Variants in HMCN1 observed in about 807,000 individuals in gnomAD.
HMCN1 encodes the protein hemicentin 1, also known as hemicentin-1.
HMCN1 carries 321 observed loss-of-function variants against 625.9 expected under a neutral mutation model. That is an observed-to-expected ratio of 0.51 (90% confidence interval 0.47 to 0.56). The LOEUF (loss-of-function observed/expected upper bound fraction) is 0.56, where lower values mean the gene tolerates loss of function less well. Among genes scored for constraint, HMCN1 ranks in the 20% least tolerant of loss-of-function variants. The pLI, the probability that HMCN1 is intolerant of heterozygous loss-of-function variation, is 0.00. For missense variants in HMCN1, 6,588 were observed against 6,887.3 expected (o/e 0.96, Z 1.54); for synonymous variants, 2,425 against 2,417.6 (o/e 1.00, Z -0.09).
At chr1:185,851,676 T>A (rs1210708953) in intron 2 of HMCN1, among the ~76,000 whole-genome samples, 1 of 152,138 alleles carries the variant, frequency 6.6e-6, no homozygotes, top group Non-Finnish European at 1.5e-5. Context: ...GACACATTCT[T>A]TATAAGAAAC....
chr1:186,033,974 A>G (rs1303887441), intron 36 of HMCN1, among the ~76,000 whole-genome samples: 1 of 152,156 alleles, frequency 6.6e-6, no homozygotes, highest in East Asian at 1.9e-4. Context: ...TCATATCCTA[A>G]TCCTTGAACT....
Position 186,178,180 on chromosome 1 carries a change from G to A in HMCN1, c.15944-236G>A, listed in dbSNP as rs184836941. On this transcript the variant is annotated intron_variant, in intron 103 of 106. Coordinates refer to ENST00000271588, the MANE Select transcript of HMCN1 (RefSeq NM_031935.3). ...TTCAATGTGAATGTTCAAATAAAAT[G>A]TGTGGATATAATATAGTATTTAGGG... 1.8e-3 allele frequency among the ~76,000 whole-genome samples: 275 copies of A among 152,276 alleles called. 1 individual carries two copies. The highest frequency in any genetic ancestry group is 5.0e-3 in the East Asian group (26 of 5,170).
At chr1:185,755,052 T>C (rs986278497) in intron 1 of HMCN1, among the ~76,000 whole-genome samples, 2 of 152,166 alleles carry the variant, frequency 1.3e-5, no homozygotes, top group African/African-American at 4.8e-5. Flanking sequence ...TTAATTAATA[T>C]ATAAAGTGCT....
intron 6 of HMCN1, among the ~76,000 whole-genome samples, chr1:185,915,296 G>A (rs1432635284): frequency 1.3e-5 from 2 of 151,962 alleles, no homozygotes; most frequent in South Asian, 4.2e-4. Flanking sequence ...ACAGATCATG[G>A]ATCTTATTTC....
intron 1 of HMCN1, among the ~76,000 whole-genome samples, chr1:185,812,416 A>C (rs1659581688): frequency 6.6e-6 from 1 of 152,178 alleles, no homozygotes; most frequent in South Asian, 2.1e-4. Context: ...CTTTAACAAA[A>C]AAAGTGTCAT....
At chr1:185,853,015 T>A (rs1269424072) in intron 2 of HMCN1, among the ~76,000 whole-genome samples, 1 of 152,126 alleles carries the variant, frequency 6.6e-6, no homozygotes, top group Non-Finnish European at 1.5e-5. Flanking sequence ...AAATAAGGTA[T>A]TTAATGCCAA....
At chr1:186,127,372 C>CA (rs1368921300) in intron 82 of HMCN1, among the ~76,000 whole-genome samples, 2 of 151,764 alleles carry the variant, frequency 1.3e-5, no homozygotes, top group African/African-American at 4.8e-5. Flanking sequence ...ATGAGATCAC[C>CA]AAAAAAATTG....
chr1:186,075,650 C>G (rs1266775830), intron 53 of HMCN1, among the ~76,000 whole-genome samples: 1 of 152,080 alleles, frequency 6.6e-6, no homozygotes, highest in African/African-American at 2.4e-5. Flanking sequence ...ATGTTGCTAA[C>G]TATTCGACAT....
intron 30 of HMCN1, among the ~76,000 whole-genome samples, chr1:186,011,967 A>G (rs1490534672): frequency 1.3e-5 from 2 of 152,210 alleles, no homozygotes; most frequent in South Asian, 2.1e-4. Context: ...AAAAAGTACA[A>G]TGAAACTTCA....
At chr1:186,156,413 A>G (rs1308440978) in intron 97 of HMCN1, among the ~76,000 whole-genome samples, 1 of 152,206 alleles carries the variant, frequency 6.6e-6, no homozygotes, top group Non-Finnish European at 1.5e-5. Context: ...GTAAATAATG[A>G]CAAATGTGAA....
chr1:185,945,888 A>C (rs1215205813), intron 11 of HMCN1, among the ~76,000 whole-genome samples: 1 of 152,170 alleles, frequency 6.6e-6, no homozygotes, highest in Admixed American at 6.5e-5. Context: ...TGGAGGAATC[A>C]TTTGGTTTTG....
intron 6 of HMCN1, among the ~76,000 whole-genome samples, chr1:185,913,048 C>T (rs1225559451): frequency 6.6e-6 from 1 of 151,904 alleles, no homozygotes; most frequent in Admixed American, 6.6e-5. Flanking sequence ...CCATTAATGT[C>T]CCCAGTTTAA....
intron 4 of HMCN1, among the ~76,000 whole-genome samples, chr1:185,893,033 T>A (rs1665228631): frequency 1.3e-5 from 2 of 152,136 alleles, no homozygotes; most frequent in African/African-American, 4.8e-5. Flanking sequence ...TTTAAGCAGG[T>A]CGGAAAAGCG....
intron 1 of HMCN1, among the ~76,000 whole-genome samples, chr1:185,785,056 C>A (rs552695320): frequency 6.6e-6 from 1 of 151,510 alleles, no homozygotes; most frequent in Admixed American, 6.6e-5. Flanking sequence ...TATAAATATA[C>A]CATAGCTTGT....
intron 97 of HMCN1, among the ~76,000 whole-genome samples, chr1:186,154,769 A>G (rs1333276771): frequency 6.6e-6 from 1 of 152,198 alleles, no homozygotes; most frequent in African/African-American, 2.4e-5. Flanking sequence ...TGGAAGTTAT[A>G]ATTTTTTAAC....
intron 4 of HMCN1, among the ~76,000 whole-genome samples, chr1:185,876,275 A>G (rs75035771): frequency 0.05 from 7,550 of 152,192 alleles, 580 homozygotes; most frequent in African/African-American, 0.17. Context: ...ATAGTATTCT[A>G]TAGTGTATAT....
intron 4 of HMCN1, among the ~76,000 whole-genome samples, chr1:185,876,248 T>C (rs1663923154): frequency 6.6e-6 from 1 of 152,144 alleles, no homozygotes; most frequent in South Asian, 2.1e-4. Context: ...ATGATTTCAC[T>C]CTTTTTTTAT....
intron 14 of HMCN1, 38 bp from the exon 15 acceptor site, chr1:185,970,297 C>T (rs773805831): frequency 1.9e-6 from 3 of 1,576,202 alleles, no homozygotes; most frequent in South Asian, 2.2e-5. Context: ...AATTTTAATA[C>T]TTTAGTGTTT....
At chr1:185,786,140 G>C (rs1657552533) in intron 1 of HMCN1, among the ~76,000 whole-genome samples, 1 of 152,202 alleles carries the variant, frequency 6.6e-6, no homozygotes, top group South Asian at 2.1e-4. Flanking sequence ...AGAATGCATT[G>C]TGATTTTATA....
Sources: gnomAD v4.1 joint callset for allele counts (sites outside exome capture counted in the v4.1 genomes callset) on GRCh38, gnomAD v4.1.1 for gene constraint, MANE v1.5 for transcripts, NCBI Gene and HGNC (gene_info 2026-07-23, HGNC 2026-07-21) for gene names.